The following AGBL1 variants were observed in gnomAD, a reference collection of about 807,000 sequenced individuals.
AGBL1 encodes the protein AGBL carboxypeptidase 1.
Under a neutral mutation model 118.9 loss-of-function variants are expected in AGBL1, and 130 were observed. That is an observed-to-expected ratio of 1.09 (90% CI 0.95 to 1.26). The LOEUF (loss-of-function observed/expected upper bound fraction) is 1.26, where lower values mean the gene tolerates loss of function less well. AGBL1 is among the 50% of genes most tolerant of loss of function. The probability of loss-of-function intolerance (pLI) is 0.00; values close to 1 mark genes in which losing one functional copy is unlikely to be tolerated. For missense variants in AGBL1, 1,584 were observed against 1,298.1 expected, an observed-to-expected ratio of 1.22 and a Z score of -3.38; for synonymous variants, 555 against 478.9, an observed-to-expected ratio of 1.16 and a Z score of -2.08.
chr15:86,341,013 G>A (rs2080453564), intron 17 of AGBL1, among the ~76,000 whole-genome samples: 1 of 152,188 alleles, frequency 6.6e-6, no homozygotes, highest in Non-Finnish European at 1.5e-5. Context: ...CACCCCAGTG[G>A]GGAGCAGGGC....
chr15:86,970,822 TG>T (rs2081100987), intron 23 of AGBL1, among the ~76,000 whole-genome samples: 1 of 151,996 alleles, frequency 6.6e-6, no homozygotes, highest in African/African-American at 2.4e-5. Flanking sequence ...TCCATATCTA[TG>T]GGTCCTCCAT....
At chr15:86,773,256 A>C (rs1035073977) in intron 22 of AGBL1, among the ~76,000 whole-genome samples, 3 of 152,016 alleles carry the variant, frequency 2.0e-5, no homozygotes, top group Non-Finnish European at 4.4e-5. Flanking sequence ...TGAATTCAAC[A>C]TGGTAATGCA....
chr15:86,279,576 A>G, intron 15 of AGBL1, 63 bp from the exon 16 acceptor site: 1 of 1,521,448 alleles, frequency 6.6e-7, no homozygotes, highest in South Asian at 1.2e-5. Flanking sequence ...AGGACCCTAA[A>G]TGACCCTGCA....
Position 86,913,497 on chromosome 15 carries a change from A to G in AGBL1, c.*6203A>G, listed in dbSNP as rs2080379657. The G allele has an allele frequency of 6.6e-6, 1 of 152,238 alleles. No homozygotes were observed. The highest frequency in any genetic ancestry group is 2.4e-5 in the African/African-American group (1 of 41,450). 9.4% of individuals were successfully genotyped at this position (152,238 alleles called of 1,614,324 possible). A position where few individuals can be genotyped will look rare whatever the true frequency, so the allele number is the denominator to read the frequency against. The stretch of plus-strand genomic sequence containing the variant: ...TCATTGGTAGAGAACACAGTCTATG[A>G]GAGAATTACCAAATGAGCCACATTT... On this transcript the variant is annotated 3_prime_UTR_variant, in exon 23 of 23. Transcript: ENST00000614907.
chr15:87,012,266 T>TTA (rs1555471629), intron 24 of AGBL1, among the ~76,000 whole-genome samples: 2 of 149,090 alleles, frequency 1.3e-5, no homozygotes, highest in Non-Finnish European at 3.0e-5. Flanking sequence ...CAAGCTAGGT[T>TTA]AAAAAAAAAA....
chr15:86,833,729 T>A (rs1019600693), intron 22 of AGBL1, among the ~76,000 whole-genome samples: 2 of 152,132 alleles, frequency 1.3e-5, no homozygotes, highest in African/African-American at 4.8e-5. Flanking sequence ...CACGAACAGC[T>A]GGGACACTAT....
rs538851839 is a variant in AGBL1, at chr15:86,613,055, G to A, written c.2994+58518G>A. ...TCTGTAACTTTTGTCTCCCTAAAAT[G>A]TATAAAGCCAAGATGTAACACAATC... On this transcript the variant is annotated intron_variant, in intron 21 of 22. Coordinates refer to ENST00000614907, the MANE Select transcript of AGBL1 (RefSeq NM_001386094.1). The surrounding 1 kb of genome is among the most constrained non-coding windows in gnomAD (Gnocchi z 4.2). 3.3e-5 allele frequency among the ~76,000 whole-genome samples: 5 copies of A among 152,312 alleles called. No homozygotes were observed. In the South Asian group the frequency reaches 1.0e-3, roughly 32 times the overall value.
At chr15:86,736,302 C>G (rs897638456) in intron 22 of AGBL1, among the ~76,000 whole-genome samples, 6 of 151,986 alleles carry the variant, frequency 3.9e-5, no homozygotes, top group African/African-American at 1.5e-4. Context: ...ATGGCTTGAA[C>G]CCGGGAGGCG....
chr15:86,127,417 C>A (rs1190372281), intron 1 of AGBL1, among the ~76,000 whole-genome samples: 2 of 152,186 alleles, frequency 1.3e-5, no homozygotes, highest in Non-Finnish European at 2.9e-5. Context: ...AAATTGCCTT[C>A]TGTTGCAGGA....
intron 22 of AGBL1, among the ~76,000 whole-genome samples, chr15:86,835,743 C>T (rs752553157): frequency 7.9e-5 from 12 of 152,076 alleles, no homozygotes; most frequent in African/African-American, 1.4e-4. Flanking sequence ...GGGATATAAA[C>T]GACTATAGTA....
At chr15:86,624,892 A>G (rs142235047) in intron 21 of AGBL1, among the ~76,000 whole-genome samples, 2 of 152,290 alleles carry the variant, frequency 1.3e-5, no homozygotes, top group African/African-American at 4.8e-5. Flanking sequence ...CAGCTGCTCA[A>G]AAATCATCTA....
intron 22 of AGBL1, among the ~76,000 whole-genome samples, chr15:86,733,393 C>G (rs938031286): frequency 6.6e-6 from 1 of 152,226 alleles, no homozygotes; most frequent in East Asian, 1.9e-4. Context: ...CTTTTTTACT[C>G]AGTCTAATCA....
chr15:86,667,104 T>C (rs1282600150), intron 21 of AGBL1, among the ~76,000 whole-genome samples: 1 of 152,188 alleles, frequency 6.6e-6, no homozygotes, highest in Non-Finnish European at 1.5e-5. Context: ...TTCCTAATGA[T>C]ACCATCATCA....
chr15:86,118,203 C>G (rs1897877271), intron 1 of AGBL1, among the ~76,000 whole-genome samples: 1 of 152,208 alleles, frequency 6.6e-6, no homozygotes, highest in Non-Finnish European at 1.5e-5. Context: ...AAAGCAAACT[C>G]TCATTTGAGG....
chr15:86,251,771 A>G (rs2078819229), intron 7 of AGBL1, among the ~76,000 whole-genome samples: 1 of 151,790 alleles, frequency 6.6e-6, no homozygotes, highest in Admixed American at 6.6e-5. Flanking sequence ...ATCTTATTGG[A>G]GCTTTGCATG....
chr15:86,670,007 C>T (rs2085712529), intron 21 of AGBL1, among the ~76,000 whole-genome samples: 1 of 152,128 alleles, frequency 6.6e-6, no homozygotes, highest in Non-Finnish European at 1.5e-5. Flanking sequence ...TTAATAGCTT[C>T]CTTATATTAC....
At chr15:86,376,975 G>T (rs777771066) in intron 17 of AGBL1, among the ~76,000 whole-genome samples, 5 of 152,064 alleles carry the variant, frequency 3.3e-5, no homozygotes, top group African/African-American at 4.8e-5. Context: ...CAGATTATAG[G>T]GACTCTACCA....
chr15:86,918,299 T>C (rs2080449256), downstream of AGBL1, among the ~76,000 whole-genome samples: 1 of 152,182 alleles, frequency 6.6e-6, no homozygotes, highest in South Asian at 2.1e-4. Flanking sequence ...TTGGGCAAAG[T>C]GAGTGGTTAG....
At chr15:86,984,883 A>G (rs1365844743) in intron 23 of AGBL1, among the ~76,000 whole-genome samples, 1 of 152,132 alleles carries the variant, frequency 6.6e-6, no homozygotes, top group Admixed American at 6.5e-5. Flanking sequence ...AAATACTTCC[A>G]TCCCTGCCTC....
Sources: allele counts gnomAD v4.1 joint callset (sites outside exome capture counted in the v4.1 genomes callset), GRCh38; gene constraint gnomAD v4.1.1; non-coding constraint Gnocchi (gnomAD v3.1); transcripts MANE v1.5; gene names NCBI Gene and HGNC (gene_info 2026-07-23, HGNC 2026-07-21).